Variants in ZNF469 observed in about 807,000 individuals in gnomAD.
ZNF469 encodes zinc finger protein 469.
A neutral mutation model predicts 1.0 loss-of-function variants in ZNF469; 1 was observed. The observed-to-expected ratio is 1.00, with a 90% CI of 0.35 to 4.73. The LOEUF (loss-of-function observed/expected upper bound fraction) is 4.73, where lower values mean the gene tolerates loss of function less well. ZNF469 is among the 30% of genes most tolerant of loss of function. ZNF469 has a pLI of 0.16. For synonymous variants in ZNF469, 2,703 were observed against 2,363.4 expected, an observed-to-expected ratio of 1.14 and a Z score of -4.17; for missense variants, 6,100 against 5,356.3, an observed-to-expected ratio of 1.14 and a Z score of -4.33.
chr16:88,118,831 C>T, the ZNF469 span, among the ~76,000 whole-genome samples: 5 of 152,194 alleles, frequency 3.3e-5, no homozygotes, highest in Admixed American at 3.3e-4. Flanking sequence ...TTCAGAGAAC[C>T]ACACGGATAA....
chr16:88,306,046 C>G, the ZNF469 span, among the ~76,000 whole-genome samples: 1 of 152,222 alleles, frequency 6.6e-6, no homozygotes, highest in African/African-American at 2.4e-5. Flanking sequence ...GACACCTGGT[C>G]TGACTGCACT....
chr16:88,241,991 G>T, the ZNF469 span, among the ~76,000 whole-genome samples: 1 of 152,186 alleles, frequency 6.6e-6, no homozygotes, highest in South Asian at 2.1e-4. This position sits in a 1 kb window ranked among gnomAD's most constrained non-coding sequence, Gnocchi z 4.8. Flanking sequence ...GAGGAAGGGG[G>T]TTCATGCCGT....
chr16:88,230,779 C>T, the ZNF469 span, among the ~76,000 whole-genome samples: 1 of 152,218 alleles, frequency 6.6e-6, no homozygotes, highest in Non-Finnish European at 1.5e-5. Flanking sequence ...GGGCATCTGT[C>T]CCGCAGTCCC....
At chr16:88,197,108 C>G in the ZNF469 span, among the ~76,000 whole-genome samples, 1 of 152,226 alleles carries the variant, frequency 6.6e-6, no homozygotes, top group Non-Finnish European at 1.5e-5. Context: ...TAGATCTAAT[C>G]TTGGACTTCA....
chr16:88,144,449 G>A, the ZNF469 span, among the ~76,000 whole-genome samples: 3 of 152,366 alleles, frequency 2.0e-5, no homozygotes, highest in South Asian at 2.1e-4. Flanking sequence ...TGCCCTGGTG[G>A]AGAGGACGGA....
the ZNF469 span, among the ~76,000 whole-genome samples, chr16:88,298,742 C>T: frequency 1.3e-5 from 2 of 152,192 alleles, no homozygotes; most frequent in East Asian, 1.9e-4. Context: ...CCAGATCCCA[C>T]GGGCACCTCC....
At chr16:88,120,427 A>G in the ZNF469 span, among the ~76,000 whole-genome samples, 1 of 152,268 alleles carries the variant, frequency 6.6e-6, no homozygotes, top group Non-Finnish European at 1.5e-5. Flanking sequence ...CGCATTAGCC[A>G]GAGGGCTGGG....
the ZNF469 span, among the ~76,000 whole-genome samples, chr16:88,245,211 T>A: frequency 6.6e-6 from 1 of 152,224 alleles, no homozygotes; most frequent in South Asian, 2.1e-4. Context: ...TACAGTCATG[T>A]GAGCCTGGTG....
the ZNF469 span, among the ~76,000 whole-genome samples, chr16:88,201,386 C>G: frequency 6.6e-6 from 1 of 152,242 alleles, no homozygotes; most frequent in South Asian, 2.1e-4. This position sits in a 1 kb window ranked among gnomAD's most constrained non-coding sequence, Gnocchi z 5.0. Context: ...GAAACCCCAT[C>G]TCTACTACAA....
Position 88,433,100 on chromosome 16 carries a change from C to A in ZNF469, c.5630C>A (p.Pro1877His). The change falls in exon 3 of 3, where the codon CCT (proline) becomes CAT (histidine). Residue 1877 changes from proline to histidine, a missense_variant. Transcript: ENST00000565624. ...CGGGGCAGGGAGGCTTGGTTGGTCC[C>A]TGTGCCAAGTCCCGCCTGTGTATCC... is the stretch of plus-strand genomic sequence containing the variant. ...APRGREAWLV[P>H]VPSPACVSNT... 6.5e-7 allele frequency: 1 copy of A among 1,550,334 alleles called. No homozygotes were observed.
At chr16:88,113,262 G>C in the ZNF469 span, among the ~76,000 whole-genome samples, 1 of 152,160 alleles carries the variant, frequency 6.6e-6, no homozygotes, top group Non-Finnish European at 1.5e-5. Context: ...ATCCATTTTG[G>C]CTTGATGTTT....
At chr16:88,174,368 C>A in the ZNF469 span, among the ~76,000 whole-genome samples, 1 of 152,160 alleles carries the variant, frequency 6.6e-6, no homozygotes. Flanking sequence ...TAGAACTGAA[C>A]AGAAAAATAG....
the ZNF469 span, among the ~76,000 whole-genome samples, chr16:88,336,201 T>TA: frequency 2.0e-5 from 3 of 148,646 alleles, no homozygotes; most frequent in East Asian, 6.0e-4. Flanking sequence ...CTTGAGACAC[T>TA]AACACGCCAA....
At chr16:88,417,802 A>G (rs901569861) in intron 1 of ZNF469, among the ~76,000 whole-genome samples, 1 of 152,188 alleles carries the variant, frequency 6.6e-6, no homozygotes, top group African/African-American at 2.4e-5. Context: ...TCCTATAGAA[A>G]TGAGGCCCCA....
chr16:88,174,182 GA>G, the ZNF469 span, among the ~76,000 whole-genome samples: 2 of 152,162 alleles, frequency 1.3e-5, no homozygotes, highest in African/African-American at 4.8e-5. Context: ...CTAATCAATA[GA>G]AAGATAGAGT....
chr16:88,435,754 A>G lies in ZNF469; in HGVS notation c.8284A>G (p.Lys2762Glu). 1 of 1,550,818 alleles carries G rather than the reference A, an allele frequency of 6.4e-7. No individual in the cohort carries two copies. The highest frequency in any genetic ancestry group is 8.7e-7 in the Non-Finnish European group (1 of 1,146,984). ...ARGFWGPRET[K>E]ALGVCKESGS... is the part of the protein sequence containing the mutation. ...GGGGTTCTGGGGACCAAGAGAGACCAAGGCGTTGGGTGTGTGCAAAGAGTC... is the reference window on the plus strand; with the variant it reads ...GGGGTTCTGGGGACCAAGAGAGACCGAGGCGTTGGGTGTGTGCAAAGAGTC... Residue 2762 changes from lysine (K) to glutamate (E), a missense_variant, in exon 3 of 3, where the codon AAG becomes GAG. By Grantham distance (56) the Lys-to-Glu change is moderately conservative. Transcript: ENST00000565624.
At chr16:88,185,027 A>G in the ZNF469 span, among the ~76,000 whole-genome samples, 1 of 151,578 alleles carries the variant, frequency 6.6e-6, no homozygotes, top group Non-Finnish European at 1.5e-5. Flanking sequence ...ATACACACTC[A>G]TACAGGCACA....
Position 88,432,043 on chromosome 16 carries a change from A to C in ZNF469, c.4573A>C (p.Ser1525Arg). ...TGATCTCTCGGGGGGAAAGGTGCTC[A>C]GTAAGACGTGTCCCCCTGAACGGAC... ...FPDLSGGKVL[S>R]KTCPPERTVV... Residue 1525 changes from serine to arginine, a missense_variant, in exon 3 of 3, where the codon AGT (serine) becomes CGT (arginine). Transcript: ENST00000565624. The C allele has an allele frequency of 6.4e-7, 1 of 1,550,504 alleles. No homozygotes were observed. Among genetic ancestry groups the C allele is most frequent in the Non-Finnish European group, 8.7e-7 (1 of 1,146,962 alleles).
chr16:88,177,269 T>A, the ZNF469 span: 6 of 152,194 alleles, frequency 3.9e-5, 1 homozygote, highest in Admixed American at 3.9e-4. This position sits in a 1 kb window ranked among gnomAD's most constrained non-coding sequence, Gnocchi z 4.8. Flanking sequence ...TGACTTTCAC[T>A]ACGCAAATGC....
Sources: gnomAD v4.1 joint callset for allele counts (sites outside exome capture counted in the v4.1 genomes callset) on GRCh38, gnomAD v4.1.1 for gene constraint, Gnocchi (gnomAD v3.1) non-coding constraint, MANE v1.5 for transcripts, NCBI Gene and HGNC (gene_info 2026-07-23, HGNC 2026-07-21) for gene names.